The following LINGO1 variants were observed in gnomAD, a reference collection of about 807,000 sequenced individuals.
The protein encoded by LINGO1 is leucine rich repeat and Ig domain containing 1.
Under a neutral mutation model 37.3 loss-of-function variants are expected in LINGO1, and 11 were observed. That is an observed-to-expected ratio of 0.29 (90% CI 0.19 to 0.49). The LOEUF is 0.49. Ranked by LOEUF, LINGO1 falls within the 20% of genes least tolerant of loss-of-function variation. The pLI, the probability that LINGO1 is intolerant of heterozygous loss-of-function variation, is 0.99. For synonymous variants in LINGO1, 387 were observed against 403.0 expected (o/e 0.96, Z 0.48); for missense variants, 585 against 878.2 (o/e 0.67, Z 4.22).
At chr15:77,710,163 C>T (rs1351394271) in intron 2 of LINGO1, among the ~76,000 whole-genome samples, 2 of 152,216 alleles carry the variant, frequency 1.3e-5, no homozygotes, top group Non-Finnish European at 2.9e-5. Context: ...CGTGGGCTGT[C>T]CCTCACCCCC....
chr15:77,650,319 C>CA (rs2074732026), intron 3 of LINGO1, among the ~76,000 whole-genome samples: 2 of 151,888 alleles, frequency 1.3e-5, no homozygotes, highest in African/African-American at 4.8e-5. Context: ...ATCTTAAAAG[C>CA]AAAAAAATAT....
chr15:77,664,171 G>GTGTGCA (rs1491170228), intron 3 of LINGO1, among the ~76,000 whole-genome samples: 1 of 88,258 alleles, frequency 1.1e-5, no homozygotes, highest in Non-Finnish European at 2.4e-5. Context: ...GTGTGTGTGT[G>GTGTGCA]CGCGCGCGCA....
chr15:77,783,183 C>G (rs2076737835), intron 1 of LINGO1, among the ~76,000 whole-genome samples: 1 of 152,198 alleles, frequency 6.6e-6, no homozygotes, highest in Non-Finnish European at 1.5e-5. Context: ...TCGTTTCCCT[C>G]CCGAGCTCAG....
chr15:77,765,529 A>T (rs1365980618), intron 1 of LINGO1, among the ~76,000 whole-genome samples: 3 of 152,154 alleles, frequency 2.0e-5, no homozygotes, highest in Non-Finnish European at 4.4e-5. Context: ...CACAGGAATG[A>T]AAGACTGCTT....
intron 2 of LINGO1, among the ~76,000 whole-genome samples, chr15:77,689,362 C>T (rs1292396855): frequency 6.6e-6 from 1 of 152,224 alleles, no homozygotes; most frequent in African/African-American, 2.4e-5. Context: ...GAGGCTGGGA[C>T]ACAAGTTCCG....
At chr15:77,765,169 C>T (rs1220503338) in intron 1 of LINGO1, among the ~76,000 whole-genome samples, 1 of 152,172 alleles carries the variant, frequency 6.6e-6, no homozygotes, top group Non-Finnish European at 1.5e-5. Flanking sequence ...AATCCCAGCA[C>T]TTTGGGAGGC....
At chr15:77,647,909 A>G (rs1393543238) in intron 3 of LINGO1, 2 of 456,492 alleles carry the variant, frequency 4.4e-6, no homozygotes, top group African/African-American at 4.0e-5. Flanking sequence ...TACGTTGCAC[A>G]TTCCCCTTCT....
rs945687158 is a variant in LINGO1, at chr15:77,614,556, C to T, written c.1351G>A (p.Asp451Asn). Residue 451 changes from aspartate to asparagine, a missense_variant, in exon 2 of 2, where the codon GAC (aspartate) becomes AAC (asparagine). Around this residue, in one of 4 missense-constraint regions of LINGO1, gnomAD observed 484 missense variants for 735.0 expected, o/e 0.66. Coordinates refer to ENST00000355300, the MANE Select transcript of LINGO1 (RefSeq NM_032808.7). Reference protein sequence around the residue: ...TVQFVCRADGDPPPAILWLSP... With the variant: ...TVQFVCRADGNPPPAILWLSP... ...AGCCAGAGGATGGCGGGCGGCGGGT[C>T]GCCATCGGCCCGGCACACAAACTGC... 3.7e-5 allele frequency: 59 copies of T among 1,610,110 alleles called. No homozygotes were observed. Among genetic ancestry groups the T allele is most frequent in the Non-Finnish European group, 4.8e-5 (57 of 1,179,102 alleles).
rs140321528 is a variant in LINGO1, at chr15:77,731,272, G to A, written c.-195+3720C>T. ...ATACTGTAGGAGGTGGCAGAGAGCC[G>A]CCCCACTGCCCTAGTTTCCCAGAGA... On this transcript the variant is annotated intron_variant, in intron 2 of 3. Coordinates refer to the LINGO1 transcript ENST00000561686. 1.1e-4 allele frequency among the ~76,000 whole-genome samples: 17 copies of A among 152,248 alleles called. No individual in the cohort carries two copies. In the East Asian group the frequency reaches 2.9e-3, roughly 26 times the overall value.
At chr15:77,639,724 A>G (rs1288464868) in intron 3 of LINGO1, among the ~76,000 whole-genome samples, 1 of 152,210 alleles carries the variant, frequency 6.6e-6, no homozygotes. Flanking sequence ...TGTACAAGGT[A>G]TACCATTTAT....
At chr15:77,630,441 T>C (rs559725477) in intron 1 of LINGO1, among the ~76,000 whole-genome samples, 2 of 152,068 alleles carry the variant, frequency 1.3e-5, no homozygotes, top group South Asian at 4.2e-4. Flanking sequence ...TTTTGGGGGG[T>C]TGGGGTGGGG....
chr15:77,618,968 T>G (rs1282800057), intron 1 of LINGO1, among the ~76,000 whole-genome samples: 2 of 152,086 alleles, frequency 1.3e-5, no homozygotes, highest in African/African-American at 4.8e-5. Context: ...TTGAACCAAC[T>G]GACAGAAAAA....
intron 2 of LINGO1, among the ~76,000 whole-genome samples, chr15:77,719,485 G>C (rs1404717228): frequency 6.7e-6 from 1 of 149,916 alleles, no homozygotes; most frequent in Non-Finnish European, 1.5e-5. Context: ...AGGTCAGGCT[G>C]GCATGGACAT....
intron 1 of LINGO1, among the ~76,000 whole-genome samples, chr15:77,799,805 C>T (rs2076902783): frequency 1.3e-5 from 2 of 151,256 alleles, no homozygotes; most frequent in African/African-American, 2.4e-5. Context: ...GTTTTGTTTT[C>T]TTTTTTTTTG....
chr15:77,784,037 G>A (rs12901558), intron 1 of LINGO1, among the ~76,000 whole-genome samples: 85,576 of 152,116 alleles, frequency 0.56, 24,082 homozygotes, highest in South Asian at 0.61. Flanking sequence ...ACTCATCCCC[G>A]AGGCAAGGGA....
intron 1 of LINGO1, among the ~76,000 whole-genome samples, chr15:77,759,158 T>C (rs923916413): frequency 6.6e-6 from 1 of 152,234 alleles, no homozygotes; most frequent in Non-Finnish European, 1.5e-5. Flanking sequence ...TAAATGCCCA[T>C]GTGTGTGCAG....
chr15:77,785,968 C>A (rs184957096), intron 1 of LINGO1, among the ~76,000 whole-genome samples: 2 of 152,186 alleles, frequency 1.3e-5, no homozygotes, highest in East Asian at 3.9e-4. Context: ...TTCAGTGAGG[C>A]GGGGGAAGGG....
chr15:77,699,726 G>A (rs1281929020), upstream of LINGO1, among the ~76,000 whole-genome samples: 2 of 151,130 alleles, frequency 1.3e-5, no homozygotes, highest in African/African-American at 2.4e-5. Flanking sequence ...CACACAATAA[G>A]CACATACTAA....
intron 1 of LINGO1, among the ~76,000 whole-genome samples, chr15:77,810,581 C>T (rs2076997776): frequency 6.6e-6 from 1 of 152,194 alleles, no homozygotes; most frequent in African/African-American, 2.4e-5. Context: ...TGACTTATTG[C>T]CAAGGCTCTG....
Sources: allele counts gnomAD v4.1 joint callset (sites outside exome capture counted in the v4.1 genomes callset), GRCh38; gene constraint gnomAD v4.1.1; regional missense constraint gnomAD v4.1.1; transcripts MANE v1.5; gene names NCBI Gene and HGNC (gene_info 2026-07-23, HGNC 2026-07-21).